RAD51B: variants seen among roughly 807,000 people sequenced by gnomAD.
The protein encoded by RAD51B is RAD51 paralog B.
Under a neutral mutation model 42.2 loss-of-function variants are expected in RAD51B, and 38 were observed. That is an observed-to-expected ratio of 0.90 (90% CI 0.70 to 1.18). The LOEUF (loss-of-function observed/expected upper bound fraction) is 1.18. Among genes scored for constraint, RAD51B ranks in the 50% most tolerant of loss-of-function variants. The probability of loss-of-function intolerance (pLI) is 0.00; values close to 1 mark genes in which losing one functional copy is unlikely to be tolerated. For synonymous variants in RAD51B, 154 were observed against 145.2 expected (o/e 1.06, Z -0.43); for missense variants, 373 against 400.7 (o/e 0.93, Z 0.59).
At chr14:68,030,392 C>T (rs1259956619) in intron 7 of RAD51B, among the ~76,000 whole-genome samples, 1 of 152,162 alleles carries the variant, frequency 6.6e-6, no homozygotes, top group African/African-American at 2.4e-5. Context: ...TAACTTTCTG[C>T]CGGTTTTATA....
intron 10 of RAD51B, among the ~76,000 whole-genome samples, chr14:68,537,237 G>T (rs770663992): frequency 3.4e-4 from 52 of 152,082 alleles, no homozygotes; most frequent in Admixed American, 1.9e-3. Flanking sequence ...AGTGGCTCAC[G>T]CCTGTAATCC....
At chr14:68,045,664 A>G (rs966404313) in intron 7 of RAD51B, among the ~76,000 whole-genome samples, 1 of 152,214 alleles carries the variant, frequency 6.6e-6, no homozygotes, top group Admixed American at 6.5e-5. Flanking sequence ...ATCAAGAAGC[A>G]AAACATTCTC....
chr14:68,442,997 A>G (rs1416931278), intron 9 of RAD51B, among the ~76,000 whole-genome samples: 1 of 152,084 alleles, frequency 6.6e-6, no homozygotes, highest in Non-Finnish European at 1.5e-5. Context: ...TGCACTGCTC[A>G]TTCACCCTGT....
chr14:67,823,578 C>T lies in RAD51B; in HGVS notation c.35C>T (p.Ser12Leu). 6.2e-7 allele frequency: 1 copy of T among 1,613,732 alleles called. No individual in the cohort carries two copies. Among genetic ancestry groups the T allele is most frequent in the Non-Finnish European group, 8.5e-7 (1 of 1,179,846 alleles). ...GSKKLKRVGL[S>L]QELCDRLSRH... ...AAGAAACTAAAACGAGTGGGTTTAT[C>T]ACAAGAGCTGTGTGACCGTCTGAGT... The change falls in exon 2 of 11, where the codon TCA becomes TTA. Residue 12 changes from serine to leucine, a missense_variant. Ser to Leu is a moderately radical substitution (Grantham distance 145). Transcript: ENST00000471583.
At chr14:68,356,525 T>A (rs2082907505) in intron 8 of RAD51B, among the ~76,000 whole-genome samples, 1 of 137,560 alleles carries the variant, frequency 7.3e-6, no homozygotes, top group African/African-American at 2.6e-5. Flanking sequence ...ATAGATTACC[T>A]AAATTTAAAA....
At chr14:68,587,888 C>A (rs1890565387) in intron 10 of RAD51B, among the ~76,000 whole-genome samples, 1 of 152,206 alleles carries the variant, frequency 6.6e-6, no homozygotes, top group Admixed American at 6.5e-5. Flanking sequence ...CAGAGAAATG[C>A]CAGCCCAGAT....
chr14:67,874,859 C>G (rs751232898), intron 5 of RAD51B, among the ~76,000 whole-genome samples: 30 of 151,554 alleles, frequency 2.0e-4, no homozygotes, highest in Admixed American at 1.2e-3. Flanking sequence ...ATATATTGTC[C>G]GTATTAGAGA....
rs148064897 is a variant in RAD51B, at chr14:68,576,160, G to A, written c.1037-18325G>A. ...AGAGCAAAGAGGGAGCAGGGGAAGA[G>A]ACACCCTCCTGACCTCCAGCCTCCT... On this transcript the variant is annotated intron_variant, in intron 10 of 10. Coordinates refer to the RAD51B transcript ENST00000487270. Among the ~76,000 whole-genome samples, 496 of 152,280 alleles carry A rather than the reference G, an allele frequency of 3.3e-3. 3 individuals carry two copies. Among genetic ancestry groups the A allele is most frequent in the Admixed American group, 6.5e-3 (100 of 15,298 alleles).
intron 7 of RAD51B, among the ~76,000 whole-genome samples, chr14:67,992,947 C>T (rs1479978600): frequency 1.3e-5 from 2 of 152,018 alleles, no homozygotes; most frequent in Non-Finnish European, 2.9e-5. Flanking sequence ...AATATTTTTT[C>T]GGATACCTGG....
At chr14:67,983,306 T>TAAAAAGGAA (rs968665819) in intron 7 of RAD51B, among the ~76,000 whole-genome samples, 41 of 151,950 alleles carry the variant, frequency 2.7e-4, no homozygotes, top group East Asian at 9.7e-4. Flanking sequence ...TCTCTTTATA[T>TAAAAAGGAA]AAAAAGGAAA....
At chr14:68,346,277 T>C (rs2082675441) in intron 8 of RAD51B, among the ~76,000 whole-genome samples, 1 of 152,208 alleles carries the variant, frequency 6.6e-6, no homozygotes, top group African/African-American at 2.4e-5. Flanking sequence ...GCAACTTCAT[T>C]TGATATGATT....
chr14:68,562,318 A>G lies in RAD51B; in HGVS notation c.1037-32167A>G, dbSNP rs1566938374. On this transcript the variant is annotated intron_variant, in intron 10 of 10. Coordinates refer to the RAD51B transcript ENST00000487270. Reference sequence around the variant, plus strand: ...TGAACGCCAAACCTCTGCCTGACGAAGGCTGTGTGATCTACAGGGTGAGAC... The same window carrying G: ...TGAACGCCAAACCTCTGCCTGACGAGGGCTGTGTGATCTACAGGGTGAGAC... The G allele has an allele frequency of 3.0e-6, 3 of 985,304 alleles. No individual in the cohort carries two copies. The African/African-American group carries it at 5.2e-5, about 17-fold the overall frequency. 61.0% of individuals were successfully genotyped at this position (985,304 alleles called of 1,614,324 possible). A position where few individuals can be genotyped will look rare whatever the true frequency, so the allele number is the denominator to read the frequency against.
At chr14:68,597,244 G>A (rs371501275), downstream of RAD51B, among the ~76,000 whole-genome samples, 32 of 152,288 alleles carry the variant, frequency 2.1e-4, no homozygotes, top group Admixed American at 1.5e-3. Flanking sequence ...GCTGTGCACC[G>A]TCTGGGGGAA....
chr14:68,465,144 CTTTA>C (rs1486227394), intron 9 of RAD51B, among the ~76,000 whole-genome samples: 12 of 152,108 alleles, frequency 7.9e-5, no homozygotes, highest in African/African-American at 2.9e-4. Context: ...TAGCATGATA[CTTTA>C]TTTATTGCTA....
intron 10 of RAD51B, among the ~76,000 whole-genome samples, chr14:68,487,415 G>A (rs915136129): frequency 6.6e-6 from 1 of 152,124 alleles, no homozygotes; most frequent in African/African-American, 2.4e-5. Flanking sequence ...AGGTCACCAT[G>A]AGGCTAGGAC....
At chr14:68,072,116 ATATAAAATATATATATAAT>A (rs2076759109) in intron 7 of RAD51B, among the ~76,000 whole-genome samples, 1 of 120,582 alleles carries the variant, frequency 8.3e-6, no homozygotes, top group Non-Finnish European at 1.7e-5. Context: ...TATAAAAAAT[ATATAAAATATATATATAAT>A]TATATATATA....
intron 7 of RAD51B, among the ~76,000 whole-genome samples, chr14:68,277,970 T>G (rs1179778071): frequency 1.3e-5 from 2 of 152,234 alleles, no homozygotes; most frequent in African/African-American, 4.8e-5. Context: ...CTTGAACTCC[T>G]GGACTAAAAT....
chr14:68,000,217 T>G (rs1729429102), intron 7 of RAD51B: 1 of 152,146 alleles, frequency 6.6e-6, no homozygotes, highest in South Asian at 2.1e-4. Flanking sequence ...ACGTTGATAG[T>G]CTAAGCCGAT....
chr14:68,648,112 C>CATATATATACGTGT (rs761140249), intron 10 of RAD51B, among the ~76,000 whole-genome samples: 6 of 39,508 alleles, frequency 1.5e-4, no homozygotes, highest in Admixed American at 2.5e-4. Context: ...TATACACACA[C>CATATATATACGTGT]GTATATATAT....
Sources: allele counts gnomAD v4.1 joint callset (sites outside exome capture counted in the v4.1 genomes callset), GRCh38; gene constraint gnomAD v4.1.1; transcripts MANE v1.5; gene names NCBI Gene and HGNC (gene_info 2026-07-23, HGNC 2026-07-21).